PID1: variants seen among roughly 807,000 people sequenced by gnomAD.
PID1 encodes phosphotyrosine interaction domain containing 1, also known as PTB-containing, cubilin and LRP1-interacting protein.
PID1 carries 10 observed loss-of-function variants against 19.1 expected under a neutral mutation model. That is an observed-to-expected ratio of 0.52 (90% CI 0.32 to 0.89). The LOEUF (loss-of-function observed/expected upper bound fraction) is 0.89. Among genes scored for constraint, PID1 ranks in the 40% least tolerant of loss-of-function variants. The pLI, the probability that PID1 is intolerant of heterozygous loss-of-function variation, is 0.03. For synonymous variants in PID1, 130 were observed against 116.0 expected, an observed-to-expected ratio of 1.12 and a Z score of -0.78; for missense variants, 248 against 285.3, an observed-to-expected ratio of 0.87 and a Z score of 0.94.
intron 2 of PID1, among the ~76,000 whole-genome samples, chr2:229,066,813 A>G (rs186037110): frequency 6.6e-6 from 1 of 152,134 alleles, no homozygotes; most frequent in African/African-American, 2.4e-5. Flanking sequence ...CAGGTAAATC[A>G]CTGTGTTCAT....
chr2:229,163,171 A>G (rs11900497), intron 1 of PID1, among the ~76,000 whole-genome samples: 45,063 of 152,006 alleles, frequency 0.3, 7,217 homozygotes, highest in Non-Finnish European at 0.37. Context: ...TTTAATGCAA[A>G]ATAGGTCAAA....
At chr2:229,032,666 A>G (rs1693579977) in intron 2 of PID1, among the ~76,000 whole-genome samples, 1 of 152,218 alleles carries the variant, frequency 6.6e-6, no homozygotes, top group Admixed American at 6.5e-5. Context: ...TGCGGTAAAT[A>G]CCAGCATCTT....
intron 2 of PID1, among the ~76,000 whole-genome samples, chr2:229,110,839 T>G (rs1013604729): frequency 5.3e-5 from 8 of 152,124 alleles, no homozygotes; most frequent in Non-Finnish European, 1.2e-4. Flanking sequence ...TGTGCTCTCC[T>G]CCCTGCTCAC....
At chr2:229,157,365 G>A (rs1179819613) in intron 1 of PID1, among the ~76,000 whole-genome samples, 1 of 151,576 alleles carries the variant, frequency 6.6e-6, no homozygotes, top group Non-Finnish European at 1.5e-5. Flanking sequence ...GGGAGGCGGA[G>A]GTTGCAGTGA....
In PID1 at chr2:229,196,693, C is replaced by G. The variant is rs146321632; in HGVS notation, c.31-40729G>C. On this transcript the variant is annotated intron_variant, in intron 1 of 2. Transcript: ENST00000392055. ...AGACTTTGTGGTCAGACAGACCTGG[C>G]TTAAAACCCCAGCTCCATCATTATT... Among the ~76,000 whole-genome samples, 372 of 152,114 alleles carry G rather than the reference C, an allele frequency of 2.4e-3. 3 individuals are homozygous for G. The highest frequency in any genetic ancestry group is 8.4e-3 in the African/African-American group (350 of 41,534).
At chr2:229,206,329 G>A (rs371631848) in intron 1 of PID1, among the ~76,000 whole-genome samples, 14 of 151,116 alleles carry the variant, frequency 9.3e-5, no homozygotes, top group African/African-American at 3.2e-4. Context: ...GCTTTTCAAT[G>A]TTCATTGAAT....
At chr2:229,246,742 C>A (rs964213655) in intron 1 of PID1, among the ~76,000 whole-genome samples, 4 of 152,164 alleles carry the variant, frequency 2.6e-5, no homozygotes, top group African/African-American at 9.7e-5. Flanking sequence ...ATGTCTCTGG[C>A]AACTGGGAAT....
At chr2:229,104,715 ACT>A (rs1235902132) in intron 2 of PID1, among the ~76,000 whole-genome samples, 1 of 152,112 alleles carries the variant, frequency 6.6e-6, no homozygotes, top group East Asian at 1.9e-4. Flanking sequence ...GGGAGAAGTG[ACT>A]CTATCGCTTC....
intron 1 of PID1, among the ~76,000 whole-genome samples, chr2:229,169,914 G>A (rs1290653198): frequency 2.6e-5 from 4 of 152,092 alleles, no homozygotes; most frequent in African/African-American, 9.7e-5. Flanking sequence ...GTGAAGCAAC[G>A]AGTCCAAGGT....
At chr2:229,098,679 T>C (rs903453753) in intron 2 of PID1, among the ~76,000 whole-genome samples, 1 of 152,142 alleles carries the variant, frequency 6.6e-6, no homozygotes, top group African/African-American at 2.4e-5. Flanking sequence ...TACTCCTCGA[T>C]TGCATGATTA....
At chr2:229,202,335 C>G (rs1377623068) in intron 1 of PID1, among the ~76,000 whole-genome samples, 1 of 152,062 alleles carries the variant, frequency 6.6e-6, no homozygotes, top group East Asian at 1.9e-4. Flanking sequence ...TTATTCACTC[C>G]TCTCATTGAG....
intron 1 of PID1, among the ~76,000 whole-genome samples, chr2:229,262,014 C>G (rs1257366891): frequency 2.0e-5 from 3 of 151,862 alleles, no homozygotes; most frequent in Non-Finnish European, 4.4e-5. Context: ...TACAAATAAT[C>G]AACCTGACAT....
intron 1 of PID1, among the ~76,000 whole-genome samples, chr2:229,177,256 C>A (rs1299141309): frequency 6.6e-6 from 1 of 152,132 alleles, no homozygotes; most frequent in African/African-American, 2.4e-5. Context: ...CACAGCCAAC[C>A]ATATCGCCTC....
At chr2:229,256,753 A>C (rs923059116) in intron 1 of PID1, among the ~76,000 whole-genome samples, 1 of 152,212 alleles carries the variant, frequency 6.6e-6, no homozygotes, top group Non-Finnish European at 1.5e-5. Flanking sequence ...AAATAGGGGA[A>C]GATATTAGTA....
At chr2:229,262,997 C>T (rs559162053) in intron 1 of PID1, 4 of 1,137,294 alleles carry the variant, frequency 3.5e-6, no homozygotes, top group Admixed American at 3.5e-5. Flanking sequence ...AATAAAGCTA[C>T]ATTCACAGGT....
At chr2:229,176,979 T>G (rs914874460) in intron 1 of PID1, among the ~76,000 whole-genome samples, 8 of 152,224 alleles carry the variant, frequency 5.3e-5, no homozygotes. Context: ...AGAGGTTTAA[T>G]GAACTCACAG....
intron 1 of PID1, among the ~76,000 whole-genome samples, chr2:229,192,842 C>T (rs1358893646): frequency 5.9e-5 from 9 of 151,786 alleles, no homozygotes; most frequent in Admixed American, 5.9e-4. Context: ...TCTTTTATAA[C>T]CAAAAAAAAA....
At chr2:229,110,417 C>T (rs188088332) in intron 2 of PID1, among the ~76,000 whole-genome samples, 1 of 152,072 alleles carries the variant, frequency 6.6e-6, no homozygotes, top group African/African-American at 2.4e-5. Flanking sequence ...TGAGGGGAGG[C>T]AAGATCAGGT....
intron 2 of PID1, among the ~76,000 whole-genome samples, chr2:229,029,265 T>C (rs1693492642): frequency 1.1e-5 from 1 of 89,868 alleles, no homozygotes; most frequent in African/African-American, 4.7e-5. Flanking sequence ...TGTATGTCAA[T>C]CCCTGGGGAA....
Sources: gnomAD v4.1 joint callset for allele counts (sites outside exome capture counted in the v4.1 genomes callset) on GRCh38, gnomAD v4.1.1 for gene constraint, MANE v1.5 for transcripts, NCBI Gene and HGNC (gene_info 2026-07-23, HGNC 2026-07-21) for gene names.